The following GREM2 variants were observed in gnomAD, a reference collection of about 807,000 sequenced individuals.
GREM2 encodes gremlin 2, DAN family BMP antagonist, also known as gremlin-2.
In GREM2, 11 loss-of-function variants were observed where a neutral mutation model predicts 14.2. The observed-to-expected ratio is 0.78, with a 90% CI of 0.49 to 1.28. GREM2 has a LOEUF of 1.28. GREM2 is among the 50% of genes most tolerant of loss of function. The pLI is 0.00. For synonymous variants in GREM2, 98 were observed against 97.6 expected, an observed-to-expected ratio of 1.00 and a Z score of -0.02; for missense variants, 210 against 218.5, an observed-to-expected ratio of 0.96 and a Z score of 0.24.
In GREM2 at chr1:240,601,912, CAAAA is replaced by C. The variant is rs58182251; in HGVS notation, c.-2+9968_-2+9971del. 3.8e-4 allele frequency among the ~76,000 whole-genome samples: 37 copies of C among 96,380 alleles called. No homozygotes were observed. In the East Asian group the frequency reaches 0.011, roughly 28 times the overall value. 63.2% of individuals were successfully genotyped at this position (96,380 alleles called of 152,430 possible). ...TGGGCGACAGAGTGAGAATCCATCT[CAAAA>C]AAAAAAAAAAAAAAAGGATATTGTG... On this transcript the variant is annotated intron_variant, in intron 1 of 1. Coordinates refer to ENST00000318160, the MANE Select transcript of GREM2 (RefSeq NM_022469.4).
intron 1 of GREM2, among the ~76,000 whole-genome samples, chr1:240,609,834 G>A (rs961971880): frequency 1.3e-5 from 2 of 152,136 alleles, no homozygotes; most frequent in South Asian, 4.1e-4. Context: ...TAGAAAAAGA[G>A]ATGTTTACTT....
Position 240,510,301 on chromosome 1 carries a change from C to T in GREM2, c.-1-16825G>A, listed in dbSNP as rs536444721. On this transcript the variant is annotated intron_variant, in intron 1 of 1. Transcript: ENST00000318160. The stretch of plus-strand genomic sequence containing the variant: ...AGGAGAATGGCGTGAACCGGGGAGG[C>T]GGAGCTTGCACTGAGCAGAGATCGC... Among the ~76,000 whole-genome samples the T allele has an allele frequency of 1.2e-3, 148 of 123,004 alleles. 1 individual carries two copies. Among genetic ancestry groups the T allele is most frequent in the Non-Finnish European group, 1.0e-3 (66 of 63,066 alleles). The allele number at this position is 123,004 out of a possible 152,430, so 80.7% of individuals were successfully genotyped here.
intron 1 of GREM2, among the ~76,000 whole-genome samples, chr1:240,521,436 T>G (rs1678090460): frequency 6.6e-6 from 1 of 151,168 alleles, no homozygotes; most frequent in Non-Finnish European, 1.5e-5. Context: ...CCGGGCATGG[T>G]GAGGGGCGAC....
At chr1:240,538,950 G>C (rs1320550614) in intron 1 of GREM2, among the ~76,000 whole-genome samples, 7 of 152,098 alleles carry the variant, frequency 4.6e-5, no homozygotes, top group Non-Finnish European at 1.0e-4. Flanking sequence ...AACAGCATCA[G>C]ATAATTGGCA....
intron 1 of GREM2, among the ~76,000 whole-genome samples, chr1:240,528,618 G>A (rs1200266575): frequency 6.6e-6 from 1 of 152,170 alleles, no homozygotes; most frequent in Non-Finnish European, 1.5e-5. Flanking sequence ...TAAGTAATTA[G>A]TACCATGCCC....
chr1:240,559,554 G>C (rs941621639), intron 1 of GREM2, among the ~76,000 whole-genome samples: 15 of 151,960 alleles, frequency 9.9e-5, no homozygotes, highest in Admixed American at 9.8e-4. Context: ...ATGTTGACCA[G>C]GCTGGTCTTG....
chr1:240,577,376 A>G (rs1679392718), intron 1 of GREM2, among the ~76,000 whole-genome samples: 1 of 152,228 alleles, frequency 6.6e-6, no homozygotes, highest in Admixed American at 6.5e-5. Context: ...TTCCTAATTT[A>G]GATTCTTCTT....
chr1:240,549,236 C>T (rs1316012920), intron 1 of GREM2, among the ~76,000 whole-genome samples: 2 of 150,990 alleles, frequency 1.3e-5, no homozygotes, highest in Non-Finnish European at 2.9e-5. Flanking sequence ...TTCGAGAGGC[C>T]GAGGCAGGAG....
intron 1 of GREM2, among the ~76,000 whole-genome samples, chr1:240,532,385 T>G (rs185130705): frequency 3.9e-4 from 60 of 152,222 alleles, no homozygotes; most frequent in African/African-American, 1.2e-3. Context: ...TGCCCGGCCT[T>G]GAACTAAATT....
Position 240,493,203 on chromosome 1 carries a change from G to A in GREM2, c.273C>T (p.Thr91=). The A allele has an allele frequency of 1.2e-6, 2 of 1,614,156 alleles. No homozygotes were observed. Among genetic ancestry groups the A allele is most frequent in the Non-Finnish European group, 8.5e-7 (1 of 1,180,020 alleles). Residue 91 remains threonine (T), a synonymous_variant, in exon 2 of 2, where the codon ACC becomes ACT. Coordinates refer to ENST00000318160, the MANE Select transcript of GREM2 (RefSeq NM_022469.4). Reference sequence around the variant, plus strand: ...GGCCGTAGCAGAAGCGGTTGAGGATGGTGCGGCTCCGGCAGCCCTCCTCGC... The same window carrying A: ...GGCCGTAGCAGAAGCGGTTGAGGATAGTGCGGCTCCGGCAGCCCTCCTCGC... ...TVSEEGCRSR[T]ILNRFCYGQC...
intron 1 of GREM2, among the ~76,000 whole-genome samples, chr1:240,536,248 C>T (rs914387942): frequency 1.2e-4 from 18 of 152,222 alleles, no homozygotes; most frequent in African/African-American, 2.2e-4. Context: ...AAGCTAAGGA[C>T]GAACACATAG....
chr1:240,501,483 A>T (rs1363510570), intron 1 of GREM2, among the ~76,000 whole-genome samples: 1 of 152,250 alleles, frequency 6.6e-6, no homozygotes, highest in African/African-American at 2.4e-5. Flanking sequence ...CAGCAAATGC[A>T]TCATTAGGGA....
At chr1:240,595,425 C>T (rs1047272196) in intron 1 of GREM2, among the ~76,000 whole-genome samples, 9 of 152,164 alleles carry the variant, frequency 5.9e-5, no homozygotes, top group African/African-American at 2.2e-4. Flanking sequence ...CATCCCCTCC[C>T]CATGCACCCT....
At chr1:240,565,508 C>G (rs1290311531) in intron 1 of GREM2, among the ~76,000 whole-genome samples, 1 of 151,932 alleles carries the variant, frequency 6.6e-6, no homozygotes, top group Non-Finnish European at 1.5e-5. Flanking sequence ...GAATTCATAC[C>G]TTTACTTTGG....
At chr1:240,554,965 G>A (rs1343760118) in intron 1 of GREM2, among the ~76,000 whole-genome samples, 1 of 152,062 alleles carries the variant, frequency 6.6e-6, no homozygotes, top group African/African-American at 2.4e-5. Context: ...CCAACATGGT[G>A]AAACCCTGTC....
intron 1 of GREM2, among the ~76,000 whole-genome samples, chr1:240,562,519 TCA>T (rs1165910667): frequency 2.0e-5 from 3 of 152,204 alleles, no homozygotes; most frequent in African/African-American, 7.2e-5. Context: ...GCCTTGGTGT[TCA>T]GTTTCACCTT....
At chr1:240,552,619 T>C (rs1678875076) in intron 1 of GREM2, among the ~76,000 whole-genome samples, 1 of 152,168 alleles carries the variant, frequency 6.6e-6, no homozygotes, top group African/African-American at 2.4e-5. Context: ...CAGTTTTTGC[T>C]GGAGCAAGAA....
At chr1:240,556,684 AT>A (rs1262517916) in intron 1 of GREM2, among the ~76,000 whole-genome samples, 1 of 152,220 alleles carries the variant, frequency 6.6e-6, no homozygotes, top group Admixed American at 6.5e-5. Context: ...AGAAAGCATT[AT>A]TCAGAGAATA....
At position 240,543,508 on chromosome 1, in the gene GREM2, C is replaced by T. The variant is rs1195005807; in HGVS notation, c.-1-50032G>A. On this transcript the variant is annotated intron_variant, in intron 1 of 1. Coordinates refer to ENST00000318160, the MANE Select transcript of GREM2 (RefSeq NM_022469.4). This position sits in a 1 kb window ranked among gnomAD's most constrained non-coding sequence, Gnocchi z 6.4. ...ATGATAACAGTAGGGGGGAAACCGC[C>T]CTTGTGATTCAATTATTTCCACCTG... is the stretch of plus-strand genomic sequence containing the variant. 6.6e-6 allele frequency among the ~76,000 whole-genome samples: 1 copy of T among 152,128 alleles called. No individual in the cohort carries two copies.
Sources: allele counts gnomAD v4.1 joint callset (sites outside exome capture counted in the v4.1 genomes callset), GRCh38; gene constraint gnomAD v4.1.1; non-coding constraint Gnocchi (gnomAD v3.1); transcripts MANE v1.5; gene names NCBI Gene and HGNC (gene_info 2026-07-23, HGNC 2026-07-21).